The following KLB variants were observed in gnomAD, a reference collection of about 807,000 sequenced individuals.
KLB encodes beta-klotho.
In KLB, 44 loss-of-function variants were observed where a neutral mutation model predicts 88.4. The ratio of observed to expected loss-of-function variants is 0.50; its 90% CI spans 0.39 to 0.64. The LOEUF is 0.64. Ranked by LOEUF, KLB falls within the 30% of genes least tolerant of loss-of-function variation. KLB has a pLI of 0.00. For missense variants in KLB, 1,137 were observed against 1,304.8 expected, an observed-to-expected ratio of 0.87 and a Z score of 1.98; for synonymous variants, 548 against 513.4, an observed-to-expected ratio of 1.07 and a Z score of -0.91.
chr4:39,435,767 C>T (rs1417300611), intron 2 of KLB, among the ~76,000 whole-genome samples: 1 of 152,172 alleles, frequency 6.6e-6, no homozygotes, highest in Non-Finnish European at 1.5e-5. Flanking sequence ...TATGTTATTC[C>T]CATGTCCTTT....
chr4:39,435,981 GA>G (rs1743463596), intron 2 of KLB, among the ~76,000 whole-genome samples: 1 of 152,284 alleles, frequency 6.6e-6, no homozygotes, highest in East Asian at 1.9e-4. Flanking sequence ...ACGGCATGAT[GA>G]AAAGGTCTGA....
rs1247009843 is a variant in KLB, at chr4:39,424,260, G to A, written c.826-9950G>A. On this transcript the variant is annotated intron_variant, in intron 1 of 4. Transcript: ENST00000257408. Reference sequence around the variant, plus strand: ...TAATTTTTGTATTTTTTGTAGAGACGAGGTTTTGCCATGTTGGCCAGGCCG... The same window carrying A: ...TAATTTTTGTATTTTTTGTAGAGACAAGGTTTTGCCATGTTGGCCAGGCCG... Among the ~76,000 whole-genome samples the A allele has an allele frequency of 3.3e-5, 5 of 151,614 alleles. No homozygotes were observed. In the East Asian group the frequency reaches 9.6e-4, roughly 29 times the overall value.
chr4:39,438,275 T>G (rs1260284052), intron 3 of KLB, among the ~76,000 whole-genome samples: 1 of 152,222 alleles, frequency 6.6e-6, no homozygotes, highest in Non-Finnish European at 1.5e-5. Context: ...GTCATTTCTG[T>G]GTCAGGTTTT....
At chr4:39,435,102 C>T (rs540334985) in intron 2 of KLB, among the ~76,000 whole-genome samples, 52 of 151,768 alleles carry the variant, frequency 3.4e-4, no homozygotes, top group African/African-American at 1.0e-3. Flanking sequence ...CCACCATGCC[C>T]GGCCTGGCCT....
chr4:39,434,660 A>G lies in KLB; in HGVS notation c.1276A>G (p.Lys426Glu). The G allele has an allele frequency of 6.2e-7, 1 of 1,614,150 alleles. No homozygotes were observed. Reference sequence around the variant, plus strand: ...TGGCTGGTTCACAGACAGTCGTGTGAAAACAGAAGACACCACGGCCATCTA... The same window carrying G: ...TGGCTGGTTCACAGACAGTCGTGTGGAAACAGAAGACACCACGGCCATCTA... ...ENGWFTDSRV[K>E]TEDTTAIYMM... is the part of the protein sequence containing the mutation. Residue 426 changes from lysine to glutamate, a missense_variant, in exon 2 of 5, where the codon AAA becomes GAA. Coordinates refer to ENST00000257408, the MANE Select transcript of KLB (RefSeq NM_175737.4).
intron 2 of KLB, 30 bp from the exon 3 acceptor site, chr4:39,437,697 G>A: frequency 3.3e-5 from 52 of 1,580,006 alleles, no homozygotes; most frequent in Non-Finnish European, 4.5e-5. Context: ...TTAGGCCTCT[G>A]AACATCTCTG....
chr4:39,419,418 T>TC (rs1388422242), intron 1 of KLB, among the ~76,000 whole-genome samples: 9 of 88,824 alleles, frequency 1.0e-4, no homozygotes, highest in Non-Finnish European at 2.5e-4. Context: ...GACTTTATAA[T>TC]ATAAAATAAG....
At chr4:39,437,256 T>A (rs1743492996) in intron 2 of KLB, among the ~76,000 whole-genome samples, 1 of 152,218 alleles carries the variant, frequency 6.6e-6, no homozygotes, top group Admixed American at 6.5e-5. Flanking sequence ...TACCTCCTTA[T>A]GTCTACATTC....
At chr4:39,423,767 C>T (rs781656588) in intron 1 of KLB, among the ~76,000 whole-genome samples, 1 of 151,744 alleles carries the variant, frequency 6.6e-6, no homozygotes, top group Non-Finnish European at 1.5e-5. Flanking sequence ...TCAGTCTCTG[C>T]CCTCAAGAAG....
At chr4:39,444,130 C>T (rs1322721042) in intron 3 of KLB, among the ~76,000 whole-genome samples, 3 of 152,182 alleles carry the variant, frequency 2.0e-5, no homozygotes, top group Non-Finnish European at 4.4e-5. Context: ...GCACTCCAGC[C>T]TGGGCGACAA....
At chr4:39,408,444 A>C (rs898518648) in intron 1 of KLB, among the ~76,000 whole-genome samples, 1 of 152,182 alleles carries the variant, frequency 6.6e-6, no homozygotes, top group African/African-American at 2.4e-5. Context: ...AAATTAGTAA[A>C]ACAATAGTGA....
At chr4:39,443,926 G>A (rs964264862) in intron 3 of KLB, among the ~76,000 whole-genome samples, 18 of 152,058 alleles carry the variant, frequency 1.2e-4, no homozygotes, top group African/African-American at 4.3e-4. Context: ...GGAGGCCGAG[G>A]TGGGTGGATC....
At position 39,446,911 on chromosome 4, in the gene KLB, C is replaced by T; in HGVS notation, c.2185C>T (p.Gln729Ter). The change falls in exon 4 of 5, where the codon CAG becomes TAG. Residue 729 changes from glutamine to a stop codon, truncating the protein, a stop_gained. Transcript: ENST00000257408. LOFTEE classifies it high-confidence loss of function. This position sits in a 1 kb window ranked among gnomAD's most constrained non-coding sequence, Gnocchi z 6.4. ...CCTGGCCTGGCGCCTCTACGACCGG[C>T]AGTTCAGGCCCTCACAGCGCGGGGC... ...HALAWRLYDR[Q>*]FRPSQRGAVS... is the part of the protein sequence containing the mutation. 6.2e-7 allele frequency: 1 copy of T among 1,605,212 alleles called. No individual in the cohort carries two copies. The highest frequency in any genetic ancestry group is 8.5e-7 in the Non-Finnish European group (1 of 1,178,868).
At chr4:39,444,600 C>T (rs1743694505) in intron 3 of KLB, among the ~76,000 whole-genome samples, 1 of 152,190 alleles carries the variant, frequency 6.6e-6, no homozygotes, top group Admixed American at 6.5e-5. Flanking sequence ...ACTAATCATA[C>T]ACACTTGCTG....
intron 3 of KLB, among the ~76,000 whole-genome samples, chr4:39,442,604 T>C (rs1187002710): frequency 3.3e-5 from 5 of 152,094 alleles, no homozygotes; most frequent in African/African-American, 7.2e-5. Context: ...CAGCTAATTT[T>C]TTGTATTTTT....
Position 39,448,726 on chromosome 4 carries a change from C to A in KLB, c.*40C>A, listed in dbSNP as rs769136954. On this transcript the variant is annotated 3_prime_UTR_variant, in exon 5 of 5. Transcript: ENST00000257408. Reference sequence around the variant, plus strand: ...ATGATAGACAGTTTAAAAATTCATCCCAGTTCCATATGCTGGTAACTTACA... The same window carrying A: ...ATGATAGACAGTTTAAAAATTCATCACAGTTCCATATGCTGGTAACTTACA... 12 of 1,560,282 alleles carry A rather than the reference C, an allele frequency of 7.7e-6. No homozygotes were observed. The highest frequency in any genetic ancestry group is 1.0e-5 in the Non-Finnish European group (12 of 1,156,464).
chr4:39,420,249 T>C (rs1307232124), intron 1 of KLB, among the ~76,000 whole-genome samples: 1 of 152,158 alleles, frequency 6.6e-6, no homozygotes, highest in African/African-American at 2.4e-5. Context: ...AGAGATTACA[T>C]GACCAAAGTC....
intron 1 of KLB, among the ~76,000 whole-genome samples, chr4:39,408,788 G>A (rs527863538): frequency 4.3e-4 from 65 of 151,852 alleles, no homozygotes; most frequent in Non-Finnish European, 6.8e-4. Context: ...ATCTAGAATC[G>A]AATTTAACTT....
intron 2 of KLB, 60 bp downstream of exon 2, chr4:39,434,780 T>C: frequency 7.7e-7 from 1 of 1,296,086 alleles, no homozygotes; most frequent in Non-Finnish European, 1.1e-6. Context: ...ATATTTAAAG[T>C]CACCTTTGAA....
Sources: gnomAD v4.1 joint callset for allele counts (sites outside exome capture counted in the v4.1 genomes callset) on GRCh38, gnomAD v4.1.1 for gene constraint, Gnocchi (gnomAD v3.1) non-coding constraint, MANE v1.5 for transcripts, NCBI Gene and HGNC (gene_info 2026-07-23, HGNC 2026-07-21) for gene names.